Variants in EPG5 observed in about 807,000 individuals in gnomAD.
The protein encoded by EPG5 is ectopic P-granules 5 autophagy tethering factor, also known as ectopic P granules protein 5 homolog.
In EPG5, 159 loss-of-function variants were observed where a neutral mutation model predicts 302.7. The observed-to-expected ratio is 0.53, with a 90% confidence interval of 0.46 to 0.60. The LOEUF is 0.60. Ranked by LOEUF, EPG5 falls within the 20% of genes least tolerant of loss-of-function variation. EPG5 has a pLI of 0.00. For synonymous variants in EPG5, 1,158 were observed against 1,136.8 expected, an observed-to-expected ratio of 1.02 and a Z score of -0.37; for missense variants, 2,896 against 3,092.4, an observed-to-expected ratio of 0.94 and a Z score of 1.51.
At chr18:45,823,375 T>A in the EPG5 span, among the ~76,000 whole-genome samples, 4 of 152,202 alleles carry the variant, frequency 2.6e-5, no homozygotes, top group African/African-American at 9.7e-5. Context: ...TATTGGAAGA[T>A]CTAAGAGGCA....
the EPG5 span, among the ~76,000 whole-genome samples, chr18:45,813,403 A>G: frequency 1.2e-4 from 18 of 152,356 alleles, no homozygotes; most frequent in Non-Finnish European, 2.6e-4. Context: ...TGACCCAGCC[A>G]TCCCATTACT....
At chr18:45,825,568 G>T in the EPG5 span, 25 of 668,952 alleles carry the variant, frequency 3.7e-5, no homozygotes, top group African/African-American at 3.9e-4. Context: ...CAGGCTTCCT[G>T]TCCCCAGTTC....
chr18:45,806,110 C>T, the EPG5 span, among the ~76,000 whole-genome samples: 2 of 152,210 alleles, frequency 1.3e-5, no homozygotes, highest in South Asian at 4.1e-4. Flanking sequence ...ATCCACTATA[C>T]TTACTGGTTA....
chr18:45,866,861 T>C lies in EPG5; in HGVS notation c.6558A>G (p.Leu2186=). 6.2e-7 allele frequency: 1 copy of C among 1,614,196 alleles called. No individual in the cohort carries two copies. Among genetic ancestry groups the C allele is most frequent in the Non-Finnish European group, 8.5e-7 (1 of 1,180,044 alleles). Reference sequence around the variant, plus strand: ...CAGACACTTTTAGGAGCTTCATGATTAATTCAGCATAAGATTCTTTTGCCA... The same window carrying C: ...CAGACACTTTTAGGAGCTTCATGATCAATTCAGCATAAGATTCTTTTGCCA... ...IILAKESYAE[L]IMKLLKVSAG... is the part of the protein sequence containing the mutation. The change falls in exon 38 of 44, where the codon TTA becomes TTG. Residue 2186 remains leucine (L), a synonymous_variant. Coordinates refer to ENST00000282041, the MANE Select transcript of EPG5 (RefSeq NM_020964.3).
At position 45,928,913 on chromosome 18, in the gene EPG5, C is replaced by G; in HGVS notation, c.2509G>C (p.Val837Leu). ...ITAVHPEIIS[V>L]LLDRVQETID... ...GTCTCTTGAACTCTATCCAGAAGGA[C>G]GGAAATTATCTCAGGGTGAACAGCT... Residue 837 changes from valine to leucine, a missense_variant, in exon 13 of 44, where the codon GTC (valine) becomes CTC (leucine). Around this residue, in one of 5 missense-constraint regions of EPG5, gnomAD observed 1,390 missense variants for 1,430.0 expected, o/e 0.97. Coordinates refer to ENST00000282041, the MANE Select transcript of EPG5 (RefSeq NM_020964.3). 6.2e-7 allele frequency: 1 copy of G among 1,613,944 alleles called. No homozygotes were observed. The highest frequency in any genetic ancestry group is 2.2e-5 in the East Asian group (1 of 44,870).
At chr18:45,897,460 G>A (rs1231633793) in intron 27 of EPG5, among the ~76,000 whole-genome samples, 5 of 151,782 alleles carry the variant, frequency 3.3e-5, no homozygotes, top group East Asian at 1.9e-4. Flanking sequence ...TCACTAACTC[G>A]AACTCCACCC....
At chr18:45,914,856 C>T (rs1391709352) in intron 20 of EPG5, among the ~76,000 whole-genome samples, 1 of 152,090 alleles carries the variant, frequency 6.6e-6, no homozygotes, top group Non-Finnish European at 1.5e-5. Flanking sequence ...AGTAGTGTGC[C>T]TGTAGTCCCC....
intron 26 of EPG5, among the ~76,000 whole-genome samples, chr18:45,899,999 G>C (rs2049570374): frequency 6.6e-6 from 1 of 152,164 alleles, no homozygotes; most frequent in Admixed American, 6.5e-5. Flanking sequence ...GTCAAAACTG[G>C]TCTAACGGTA....
Position 45,852,448 on chromosome 18 carries a change from T to G in EPG5, c.*19A>C, listed in dbSNP as rs1201464315. On this transcript the variant is annotated 3_prime_UTR_variant, in exon 44 of 44. Coordinates refer to ENST00000282041, the MANE Select transcript of EPG5 (RefSeq NM_020964.3). ...GTAAACATAAACAGCAATGGGTTTT[T>G]CAAGAGCCTCAGTGTTAACTATCGT... 1 of 1,596,310 alleles carries G rather than the reference T, an allele frequency of 6.3e-7. No individual in the cohort carries two copies. The highest frequency in any genetic ancestry group is 8.5e-7 in the Non-Finnish European group (1 of 1,173,054).
At chr18:45,963,851 A>G (rs1175687916) in intron 1 of EPG5, among the ~76,000 whole-genome samples, 2 of 152,198 alleles carry the variant, frequency 1.3e-5, no homozygotes, top group African/African-American at 2.4e-5. Flanking sequence ...ATGGGCAGCA[A>G]GAATGAACGT....
At chr18:45,930,976 A>G (rs2050385060) in intron 11 of EPG5, 146 bp from the exon 12 acceptor site, 1 of 737,916 alleles carries the variant, frequency 1.4e-6, no homozygotes, top group Non-Finnish European at 2.1e-6. Flanking sequence ...GGCATCAGGA[A>G]TAAGGCTGGA....
At chr18:45,873,309 A>T (rs1242255099) in intron 35 of EPG5, among the ~76,000 whole-genome samples, 2 of 152,174 alleles carry the variant, frequency 1.3e-5, no homozygotes, top group Admixed American at 1.3e-4. Context: ...CAGGAGTTCA[A>T]AACCAGCCTG....
chr18:45,878,888 C>T, intron 33 of EPG5, 125 bp downstream of exon 33: 4 of 724,050 alleles, frequency 5.5e-6, no homozygotes, highest in Non-Finnish European at 7.0e-6. Flanking sequence ...TGGGCTCATG[C>T]CTGTTCTATA....
At chr18:45,891,314 C>A (rs1269058205) in intron 27 of EPG5, among the ~76,000 whole-genome samples, 1 of 151,850 alleles carries the variant, frequency 6.6e-6, no homozygotes, top group Admixed American at 6.6e-5. Flanking sequence ...GCCTGGCCAA[C>A]GTGGTGAAAC....
the EPG5 span, among the ~76,000 whole-genome samples, chr18:45,811,865 G>C: frequency 4.6e-4 from 70 of 152,334 alleles, no homozygotes; most frequent in East Asian, 0.01. Context: ...ACAAGACAGG[G>C]ATGCCCTCTC....
chr18:45,892,209 C>A (rs915506321), intron 27 of EPG5, among the ~76,000 whole-genome samples: 94 of 152,228 alleles, frequency 6.2e-4, no homozygotes, highest in African/African-American at 2.1e-3. Context: ...GACCCTCTCA[C>A]AAAAAACATC....
rs2048567779 is a variant in EPG5 at position 45,858,673 on chromosome 18, C to G, written c.7119G>C (p.Leu2373Phe). 1 of 1,614,010 alleles carries G rather than the reference C, an allele frequency of 6.2e-7. No individual in the cohort carries two copies. Among genetic ancestry groups the G allele is most frequent in the Non-Finnish European group, 8.5e-7 (1 of 1,180,014 alleles). ...ACTGAAGCAAGTAGACGTAAAGAGT[C>G]AAGTAACTGCCCAAGGTGAGGCACT... is the stretch of plus-strand genomic sequence containing the variant. The part of the protein sequence containing the change: ...LQECLTLGSY[L>F]TLYVYLLQCL... The change falls in exon 41 of 44, where the codon TTG becomes TTC. Residue 2373 changes from leucine to phenylalanine, a missense_variant. Leu to Phe is a conservative substitution (Grantham distance 22, BLOSUM62 0). Around this residue, in one of 5 missense-constraint regions of EPG5, gnomAD observed 620 missense variants for 704.2 expected, o/e 0.88. Coordinates refer to ENST00000282041, the MANE Select transcript of EPG5 (RefSeq NM_020964.3).
rs186410807 is a variant in EPG5, at chr18:45,954,964, C to T, written c.438G>A (p.Ser146=). ...KNFTEVEENM[S]VQGGLSESAP... ...CACTTTCTGAAAGTCCACCTTGTACCGACATATTTTCCTCTACCTCTGTGA... is the reference window on the plus strand; with the variant it reads ...CACTTTCTGAAAGTCCACCTTGTACTGACATATTTTCCTCTACCTCTGTGA... The change falls in exon 2 of 44, where the codon TCG becomes TCA. Residue 146 remains serine (S), a synonymous_variant. Transcript: ENST00000282041. 5.9e-4 allele frequency: 957 copies of T among 1,613,846 alleles called. No individual in the cohort carries two copies. The highest frequency in any genetic ancestry group is 3.1e-3 in the Middle Eastern group (19 of 6,060).
intron 24 of EPG5, 124 bp downstream of exon 24, chr18:45,907,834 A>G (rs2049791027): frequency 1.1e-6 from 1 of 932,350 alleles, no homozygotes; most frequent in African/African-American, 1.7e-5. Flanking sequence ...CCATAGAAAC[A>G]ATGACCATCT....
Sources: allele counts gnomAD v4.1 joint callset (sites outside exome capture counted in the v4.1 genomes callset), GRCh38; gene constraint gnomAD v4.1.1; regional missense constraint gnomAD v4.1.1; transcripts MANE v1.5; gene names NCBI Gene and HGNC (gene_info 2026-07-23, HGNC 2026-07-21).